MAP3K13: variants seen among roughly 807,000 people sequenced by gnomAD.
MAP3K13 encodes the protein leucine zipper-bearing kinase.
In MAP3K13, 52 loss-of-function variants were observed where a neutral mutation model predicts 104.0. The observed-to-expected ratio is 0.50, with a 90% confidence interval of 0.40 to 0.63. The LOEUF (loss-of-function observed/expected upper bound fraction) is 0.63, where lower values mean the gene tolerates loss of function less well. Ranked by LOEUF, MAP3K13 falls within the 20% of genes least tolerant of loss-of-function variation. The probability of loss-of-function intolerance (pLI) is 0.00; values close to 1 mark genes in which losing one functional copy is unlikely to be tolerated. For synonymous variants in MAP3K13, 394 were observed against 442.2 expected (o/e 0.89, Z 1.37); for missense variants, 914 against 1,218.5 (o/e 0.75, Z 3.72).
At chr3:185,474,226 T>C (rs930211723) in intron 11 of MAP3K13, among the ~76,000 whole-genome samples, 2 of 152,138 alleles carry the variant, frequency 1.3e-5, no homozygotes, top group African/African-American at 2.4e-5. Context: ...CTCAGGAGAC[T>C]GAGGCATGAG....
At chr3:185,343,690 A>G (rs2108723570) in intron 2 of MAP3K13, among the ~76,000 whole-genome samples, 1 of 152,252 alleles carries the variant, frequency 6.6e-6, no homozygotes, top group African/African-American at 2.4e-5. Flanking sequence ...TGACCTTGTG[A>G]TCTGCCCGCC....
intron 2 of MAP3K13, among the ~76,000 whole-genome samples, chr3:185,347,119 T>G (rs1435251011): frequency 1.3e-5 from 2 of 151,662 alleles, no homozygotes; most frequent in African/African-American, 4.8e-5. Context: ...CCTGAGTAGC[T>G]GGGATTACAG....
intron 2 of MAP3K13, among the ~76,000 whole-genome samples, chr3:185,357,447 T>TAAAAAAAAAAAAAAAAAA (rs71162295): frequency 1.1e-4 from 10 of 91,368 alleles, no homozygotes; most frequent in South Asian, 3.6e-4. Context: ...AAACTCCATC[T>TAAAAAAAAAAAAAAAAAA]AAAAAAAAAA....
intron 1 of MAP3K13, among the ~76,000 whole-genome samples, chr3:185,411,027 G>T (rs1387280748): frequency 6.6e-6 from 1 of 151,002 alleles, no homozygotes; most frequent in Non-Finnish European, 1.5e-5. Context: ...CATTCCTTTT[G>T]TAAACAGATG....
intron 1 of MAP3K13, among the ~76,000 whole-genome samples, chr3:185,401,701 A>T (rs2108777878): frequency 6.6e-6 from 1 of 152,354 alleles, no homozygotes; most frequent in Non-Finnish European, 1.5e-5. Context: ...ACATTTTAGT[A>T]AGTAAAGTTT....
chr3:185,476,755 A>C (rs1718155103), intron 11 of MAP3K13, among the ~76,000 whole-genome samples: 1 of 152,210 alleles, frequency 6.6e-6, no homozygotes, highest in African/African-American at 2.4e-5. Context: ...ACAAACAATA[A>C]TTATATATAT....
intron 1 of MAP3K13, among the ~76,000 whole-genome samples, chr3:185,368,119 C>A (rs2108747494): frequency 6.6e-6 from 1 of 152,164 alleles, no homozygotes; most frequent in South Asian, 2.1e-4. Flanking sequence ...CTTGATTATG[C>A]CACTGCACTC....
intron 1 of MAP3K13, among the ~76,000 whole-genome samples, chr3:185,377,055 G>A (rs916943613): frequency 2.0e-5 from 3 of 152,100 alleles, no homozygotes; most frequent in South Asian, 2.1e-4. Flanking sequence ...GAGAGGTTGT[G>A]GAGGGAGGTA....
intron 11 of MAP3K13, among the ~76,000 whole-genome samples, chr3:185,474,825 G>T (rs1451590626): frequency 6.6e-6 from 1 of 152,102 alleles, no homozygotes; most frequent in Non-Finnish European, 1.5e-5. Context: ...GGCCAGGCAC[G>T]GTGGCTCATG....
intron 2 of MAP3K13, among the ~76,000 whole-genome samples, chr3:185,347,727 A>G (rs1722982827): frequency 6.6e-6 from 1 of 152,130 alleles, no homozygotes; most frequent in Admixed American, 6.6e-5. Context: ...ATATCAATGT[A>G]GCCAGGCGTA....
In MAP3K13 at chr3:185,428,598, A is replaced by G. The variant is rs1714560033; in HGVS notation, c.17A>G (p.Glu6Gly). Residue 6 changes from glutamate (E) to glycine (G), a missense_variant, in exon 2 of 14, where the codon GAG (glutamate) becomes GGG (glycine). This residue lies in a region of MAP3K13 where 156 missense variants were observed against 159.8 expected (regional missense o/e 0.98). Coordinates refer to ENST00000265026, the MANE Select transcript of MAP3K13 (RefSeq NM_004721.5). MANFQ[E>G]HLSCSSSPHL... ...CATGGCACGATGGCCAACTTTCAGG[A>G]GCACCTGAGCTGCTCCTCTTCTCCA... 6.3e-7 allele frequency: 1 copy of G among 1,589,890 alleles called. No homozygotes were observed. Among genetic ancestry groups the G allele is most frequent in the Non-Finnish European group, 8.6e-7 (1 of 1,165,762 alleles).
rs186001180 is a variant in MAP3K13 at position 185,287,312 on chromosome 3, T to A, written c.-86+1669T>A. Reference sequence around the variant, plus strand: ...TTTGAATTGCTATTTAGGGACTTTTTAAACAACTCTTATTATTTTACTTTG... The same window carrying A: ...TTTGAATTGCTATTTAGGGACTTTTAAAACAACTCTTATTATTTTACTTTG... On this transcript the variant is annotated intron_variant, in intron 2 of 14. Coordinates refer to the MAP3K13 transcript ENST00000424227. Among the ~76,000 whole-genome samples the A allele has an allele frequency of 8.5e-5, 13 of 152,314 alleles. No individual in the cohort carries two copies. In the East Asian group the frequency reaches 1.2e-3, roughly 14 times the overall value.
Position 185,454,471 on chromosome 3 carries a change from TATGAGATATATATGATATATATA to T in MAP3K13, c.1278+3077_1278+3099del, listed in dbSNP as rs1560116668. ...ATATATGAGATATATATGATATATA[TATGAGATATATATGATATATATA>T]CATATATATGAGATATATATGATAT... On this transcript the variant is annotated intron_variant, in intron 7 of 13. Coordinates refer to ENST00000265026, the MANE Select transcript of MAP3K13 (RefSeq NM_004721.5). Among the ~76,000 whole-genome samples, 26 of 111,750 alleles carry T rather than the reference TATGAGATATATATGATATATATA, an allele frequency of 2.3e-4. 1 individual carries two copies. Among genetic ancestry groups the T allele is most frequent in the African/African-American group, 8.6e-4 (24 of 27,872 alleles). 73.3% of individuals were successfully genotyped at this position (111,750 alleles called of 152,430 possible).
chr3:185,475,203 A>G (rs1312179627), intron 11 of MAP3K13, among the ~76,000 whole-genome samples: 1 of 152,044 alleles, frequency 6.6e-6, no homozygotes, highest in Non-Finnish European at 1.5e-5. Flanking sequence ...ATCAGTTGCT[A>G]TAAAGACTAC....
In MAP3K13 at chr3:185,299,756, C is replaced by CG. The variant is rs932532018; in HGVS notation, c.-86+14117dup. Among the ~76,000 whole-genome samples, 7 of 23,908 alleles carry CG rather than the reference C, an allele frequency of 2.9e-4. 3 individuals are homozygous for CG. Among genetic ancestry groups the CG allele is most frequent in the African/African-American group, 6.6e-4 (7 of 10,622 alleles). 15.7% of individuals were successfully genotyped at this position (23,908 alleles called of 152,430 possible). A position where few individuals can be genotyped will look rare whatever the true frequency, so the allele number is the denominator to read the frequency against. On this transcript the variant is annotated intron_variant, in intron 2 of 14. Coordinates refer to the MAP3K13 transcript ENST00000424227. Reference sequence around the variant, plus strand: ...TAATTTTTTGTATTTTTAGTAGAGACGGGGTTTCACCTTGTTAGCCAGGAT... The same window carrying CG: ...TAATTTTTTGTATTTTTAGTAGAGACGGGGGTTTCACCTTGTTAGCCAGGAT...
intron 10 of MAP3K13, among the ~76,000 whole-genome samples, chr3:185,471,817 T>C (rs1320594802): frequency 1.3e-5 from 2 of 152,290 alleles, no homozygotes; most frequent in East Asian, 3.9e-4. Context: ...TTGGTAGCCA[T>C]TGCTTTAATT....
At position 185,413,800 on chromosome 3, in the gene MAP3K13, C is replaced by T. The variant is rs530408790; in HGVS notation, c.-85-14697C>T. On this transcript the variant is annotated intron_variant, in intron 1 of 13. Transcript: ENST00000265026. Reference sequence around the variant, plus strand: ...TTGTGCCACTGCACTCCAGCCTGGGCGACAGAGCGAGATTCCACCTCAAAA... The same window carrying T: ...TTGTGCCACTGCACTCCAGCCTGGGTGACAGAGCGAGATTCCACCTCAAAA... Among the ~76,000 whole-genome samples, 24 of 152,054 alleles carry T rather than the reference C, an allele frequency of 1.6e-4. No individual in the cohort carries two copies. The South Asian group carries it at 2.7e-3, about 17-fold the overall frequency.
Position 185,473,439 on chromosome 3 carries a change from T to A in MAP3K13, c.2108T>A (p.Met703Lys), listed in dbSNP as rs767156711. 1.2e-6 allele frequency: 2 copies of A among 1,614,054 alleles called. No individual in the cohort carries two copies. The highest frequency in any genetic ancestry group is 2.7e-5 in the African/African-American group (2 of 74,930). Residue 703 changes from methionine to lysine, a missense_variant, in exon 11 of 14, where the codon ATG (methionine) becomes AAG (lysine). Physicochemically the swap from Met to Lys is moderately conservative, Grantham distance 95. Around this residue, in one of 3 missense-constraint regions of MAP3K13, gnomAD observed 583 missense variants for 737.4 expected, o/e 0.79. Coordinates refer to ENST00000265026, the MANE Select transcript of MAP3K13 (RefSeq NM_004721.5). This position sits in a 1 kb window ranked among gnomAD's most constrained non-coding sequence, Gnocchi z 4.9. ...AGCCCTGACCTCATCTCCACAGCCATGGCTGCAGACTGCTGGAGAAGTTCT... is the reference window on the plus strand; with the variant it reads ...AGCCCTGACCTCATCTCCACAGCCAAGGCTGCAGACTGCTGGAGAAGTTCT... ...GSSPDLISTA[M>K]AADCWRSSEP...
Position 185,483,154 on chromosome 3 carries a change from A to C in MAP3K13, c.*698A>C, listed in dbSNP as rs1408003203. ...CATGTGCTTCCTCTAGGAGGGAAAA[A>C]CAGACAAACAAACAAACAAACAAAC... On this transcript the variant is annotated 3_prime_UTR_variant, in exon 14 of 14. Transcript: ENST00000265026. 1.3e-5 allele frequency: 3 copies of C among 233,044 alleles called. No individual in the cohort carries two copies. Among genetic ancestry groups the C allele is most frequent in the Admixed American group, 5.6e-5 (1 of 17,778 alleles). The allele number at this position is 233,044 out of a possible 1,614,324, so 14.4% of individuals were successfully genotyped here. A position where few individuals can be genotyped will look rare whatever the true frequency, so the allele number is the denominator to read the frequency against.
Sources: gnomAD v4.1 joint callset for allele counts (sites outside exome capture counted in the v4.1 genomes callset) on GRCh38, gnomAD v4.1.1 for gene constraint, gnomAD v4.1.1 regional missense constraint, Gnocchi (gnomAD v3.1) non-coding constraint, MANE v1.5 for transcripts, NCBI Gene and HGNC (gene_info 2026-07-23, HGNC 2026-07-21) for gene names.